Variants in CA10 observed in about 807,000 individuals in gnomAD.
CA10 encodes the protein carbonic anhydrase-related protein 10.
CA10 carries 14 observed loss-of-function variants against 44.2 expected under a neutral mutation model. That is an observed-to-expected ratio of 0.32 (90% CI 0.21 to 0.50). CA10 has a LOEUF of 0.50. CA10 is among the 20% of genes least tolerant of loss of function. CA10 has a pLI of 0.99. For synonymous variants in CA10, 159 were observed against 141.6 expected (o/e 1.12, Z -0.87); for missense variants, 350 against 409.7 (o/e 0.85, Z 1.26).
At chr17:51,792,264 T>C (rs1906551006) in intron 3 of CA10, among the ~76,000 whole-genome samples, 1 of 152,200 alleles carries the variant, frequency 6.6e-6, no homozygotes, top group African/African-American at 2.4e-5. Flanking sequence ...CCAATTCTGT[T>C]TAGTTTCAAA....
intron 3 of CA10, among the ~76,000 whole-genome samples, chr17:51,753,236 G>A (rs937952345): frequency 1.3e-5 from 2 of 152,178 alleles, no homozygotes; most frequent in African/African-American, 4.8e-5. Flanking sequence ...GCCTGTCCAG[G>A]TTGTATGTCA....
intron 2 of CA10, among the ~76,000 whole-genome samples, chr17:52,011,945 A>G (rs1985810960): frequency 6.6e-6 from 1 of 152,066 alleles, no homozygotes; most frequent in African/African-American, 2.4e-5. Context: ...ATCCACAGAA[A>G]AAATGGCAGA....
intron 1 of CA10, among the ~76,000 whole-genome samples, chr17:52,099,140 G>A (rs984755636): frequency 1.3e-5 from 2 of 152,004 alleles, no homozygotes; most frequent in East Asian, 1.9e-4. Context: ...GCAGGAAGAC[G>A]CCATGTATAG....
intron 3 of CA10, among the ~76,000 whole-genome samples, chr17:51,807,907 G>T (rs185930142): frequency 1.3e-5 from 2 of 152,200 alleles, no homozygotes; most frequent in African/African-American, 4.8e-5. Flanking sequence ...TCTGTGTCTG[G>T]ATCTGGTGGA....
chr17:51,742,121 T>C (rs1004568576), intron 4 of CA10, among the ~76,000 whole-genome samples: 1 of 152,142 alleles, frequency 6.6e-6, no homozygotes, highest in Non-Finnish European at 1.5e-5. Flanking sequence ...GGCAGCACCT[T>C]CCTGTCTGGG....
At chr17:51,667,884 C>T (rs1914264018) in intron 4 of CA10, among the ~76,000 whole-genome samples, 1 of 152,114 alleles carries the variant, frequency 6.6e-6, no homozygotes, top group Non-Finnish European at 1.5e-5. Flanking sequence ...TGGGAACAGG[C>T]GTGTGGGCAC....
At chr17:51,784,048 C>A (rs535413006) in intron 3 of CA10, among the ~76,000 whole-genome samples, 15 of 152,246 alleles carry the variant, frequency 9.9e-5, no homozygotes, top group African/African-American at 3.6e-4. Flanking sequence ...GCAGGCAGCA[C>A]TGTGTATATG....
chr17:51,923,747 C>A (rs1342701324), intron 3 of CA10, among the ~76,000 whole-genome samples: 1 of 152,136 alleles, frequency 6.6e-6, no homozygotes, highest in East Asian at 1.9e-4. Context: ...TCATAAAAAA[C>A]ATAACTGAAA....
chr17:52,135,433 A>T lies in CA10; in HGVS notation c.61+22293T>A, dbSNP rs988788194. Among the ~76,000 whole-genome samples, 16 of 152,140 alleles carry T rather than the reference A, an allele frequency of 1.1e-4. No homozygotes were observed. The East Asian group carries it at 1.9e-3, about 18-fold the overall frequency. On this transcript the variant is annotated intron_variant, in intron 1 of 8. Coordinates refer to ENST00000451037, the MANE Select transcript of CA10 (RefSeq NM_020178.5). Reference sequence around the variant, plus strand: ...AAAACTCCACCCTTGGATCATGCTAATGCTACCATTTTTTTTGTACATGGG... The same window carrying T: ...AAAACTCCACCCTTGGATCATGCTATTGCTACCATTTTTTTTGTACATGGG...
In CA10 at chr17:51,668,423, T is replaced by G. The variant is rs562149924; in HGVS notation, c.466-14687A>C. ...CCCAAACAATAGCCCTTCTGTGAAT[T>G]AGGCCAGGATGCTTTGAAACTGTCT... On this transcript the variant is annotated intron_variant, in intron 4 of 8. Transcript: ENST00000451037. Among the ~76,000 whole-genome samples, 3 of 152,364 alleles carry G rather than the reference T, an allele frequency of 2.0e-5. No individual in the cohort carries two copies. The East Asian group carries it at 5.8e-4, about 29-fold the overall frequency.
intron 2 of CA10, among the ~76,000 whole-genome samples, chr17:52,066,859 T>C (rs550838998): frequency 1.3e-5 from 2 of 152,338 alleles, no homozygotes; most frequent in South Asian, 2.1e-4. Flanking sequence ...GTAGGGTATC[T>C]GGCAGAAGAA....
chr17:51,658,023 G>T (rs1480021162), intron 4 of CA10, among the ~76,000 whole-genome samples: 1 of 152,152 alleles, frequency 6.6e-6, no homozygotes, highest in Non-Finnish European at 1.5e-5. Flanking sequence ...TTAGTTTTAG[G>T]CGAGTATCCT....
intron 4 of CA10, among the ~76,000 whole-genome samples, chr17:51,692,784 A>C (rs1597989324): frequency 6.6e-6 from 1 of 152,234 alleles, no homozygotes; most frequent in South Asian, 2.1e-4. Flanking sequence ...TGTGGAAATA[A>C]GTTTTTTATT....
chr17:51,642,019 C>T (rs555695495), intron 6 of CA10, among the ~76,000 whole-genome samples: 1 of 152,222 alleles, frequency 6.6e-6, no homozygotes, highest in East Asian at 1.9e-4. Context: ...GACATTTCCT[C>T]TTGTAATCTG....
chr17:51,683,060 G>C (rs930661741), intron 4 of CA10, among the ~76,000 whole-genome samples: 1 of 152,206 alleles, frequency 6.6e-6, no homozygotes, highest in Non-Finnish European at 1.5e-5. Flanking sequence ...GGTTTCTAAT[G>C]ATCGGCTAGA....
intron 1 of CA10, among the ~76,000 whole-genome samples, chr17:52,073,939 C>A (rs988789464): frequency 6.6e-6 from 1 of 152,166 alleles, no homozygotes. Context: ...TAGACCCGAC[C>A]AAGCCAAGAA....
At chr17:51,898,532 C>T (rs1981171860) in intron 3 of CA10, among the ~76,000 whole-genome samples, 1 of 151,800 alleles carries the variant, frequency 6.6e-6, no homozygotes, top group Admixed American at 6.6e-5. Context: ...TGTGCCTCTT[C>T]CTGTTTGTTT....
rs80330658 is a variant in CA10, at chr17:51,654,149, G to A, written c.466-413C>T. ...GCCAGTAAATCTTCCTTGCAGCCTC[G>A]GAGCAAACAGGGAGCTGTTAGGTCC... is the stretch of plus-strand genomic sequence containing the variant. On this transcript the variant is annotated intron_variant, in intron 4 of 8. Transcript: ENST00000451037. Among the ~76,000 whole-genome samples, 1,243 of 152,284 alleles carry A rather than the reference G, an allele frequency of 8.2e-3. 20 individuals are homozygous for A. The highest frequency in any genetic ancestry group is 0.029 in the African/African-American group (1,194 of 41,556).
chr17:52,086,843 A>G (rs1318493432), intron 1 of CA10, among the ~76,000 whole-genome samples: 2 of 152,222 alleles, frequency 1.3e-5, no homozygotes, highest in African/African-American at 4.8e-5. Flanking sequence ...TTATGTGATC[A>G]TCTCTACACT....
Sources: allele counts gnomAD v4.1 joint callset (sites outside exome capture counted in the v4.1 genomes callset), GRCh38; gene constraint gnomAD v4.1.1; transcripts MANE v1.5; gene names NCBI Gene and HGNC (gene_info 2026-07-23, HGNC 2026-07-21).